Variants in CAMKK1 observed in about 807,000 individuals in gnomAD.
CAMKK1 encodes the protein calcium/calmodulin-dependent protein kinase kinase 1.
CAMKK1 carries 20 observed loss-of-function variants against 63.5 expected under a neutral mutation model. The observed-to-expected ratio is 0.32, with a 90% CI of 0.22 to 0.46. CAMKK1 has a LOEUF of 0.46. CAMKK1 is among the 20% of genes least tolerant of loss of function. The pLI is 1.00. For synonymous variants in CAMKK1, 253 were observed against 269.0 expected (o/e 0.94, Z 0.58); for missense variants, 588 against 658.1 (o/e 0.89, Z 1.17).
At chr17:3,867,991 C>A (rs550373323) in intron 14 of CAMKK1, among the ~76,000 whole-genome samples, 17 of 117,822 alleles carry the variant, frequency 1.4e-4, no homozygotes, top group Non-Finnish European at 2.4e-4. Context: ...ATGCAGGCAC[C>A]GTCTAACTGA....
At position 3,888,913 on chromosome 17, in the gene CAMKK1, C is replaced by CGTGTGT. The variant is rs55841323; in HGVS notation, c.-43-3189_-43-3184dup. On this transcript the variant is annotated intron_variant, in intron 1 of 15. Transcript: ENST00000348335. Reference sequence around the variant, plus strand: ...CGCAGGCTGTGGACCAGGGTGGTGGCGTGTGTGTGTGTGTGTGTGTGTTGT... The same window carrying CGTGTGT: ...CGCAGGCTGTGGACCAGGGTGGTGGCGTGTGTGTGTGTGTGTGTGTGTGTGTGTTGT... Among the ~76,000 whole-genome samples, 823 of 150,480 alleles carry CGTGTGT rather than the reference C, an allele frequency of 5.5e-3. 2 individuals are homozygous for CGTGTGT. Among genetic ancestry groups the CGTGTGT allele is most frequent in the African/African-American group, 0.013 (526 of 41,038 alleles).
Position 3,889,955 on chromosome 17 carries a change from C to T in CAMKK1, c.-44+2984G>A, listed in dbSNP as rs909655224. 9.2e-5 allele frequency among the ~76,000 whole-genome samples: 14 copies of T among 152,328 alleles called. No individual in the cohort carries two copies. The highest frequency in any genetic ancestry group is 4.1e-4 in the South Asian group (2 of 4,832). On this transcript the variant is annotated intron_variant, in intron 1 of 15. Coordinates refer to ENST00000348335, the MANE Select transcript of CAMKK1 (RefSeq NM_032294.3). This position sits in a 1 kb window ranked among gnomAD's most constrained non-coding sequence, Gnocchi z 5.2. The stretch of plus-strand genomic sequence containing the variant: ...GGCCCTGGTCAGGCCTCATTCTGAG[C>T]GCTGGAAGGCCGCTGTGAACCCCAG...
At position 3,883,958 on chromosome 17, in the gene CAMKK1, G is replaced by GCC. The variant is rs1335563473; in HGVS notation, c.409-23_409-22dup. 1.2e-6 allele frequency: 2 copies of GCC among 1,612,574 alleles called. No individual in the cohort carries two copies. The highest frequency in any genetic ancestry group is 2.7e-5 in the African/African-American group (2 of 74,876). ...GCACCCTGCAGATAGGCATCAGTCA[G>GCC]CCCCACCTGGACAGGGCAACCCCTC... is the stretch of plus-strand genomic sequence containing the variant. On this transcript the variant is annotated intron_variant, in intron 3 of 15. Coordinates refer to ENST00000348335, the MANE Select transcript of CAMKK1 (RefSeq NM_032294.3). This position sits in a 1 kb window ranked among gnomAD's most constrained non-coding sequence, Gnocchi z 4.7.
intron 15 of CAMKK1, chr17:3,865,630 T>G: frequency 7.7e-7 from 1 of 1,300,218 alleles, no homozygotes; most frequent in Non-Finnish European, 9.8e-7. Context: ...AGAAGGGTCT[T>G]CCTGTCCCAT....
chr17:3,868,813 C>T (rs1056295799), intron 14 of CAMKK1, among the ~76,000 whole-genome samples: 8 of 151,950 alleles, frequency 5.3e-5, no homozygotes, highest in African/African-American at 1.4e-4. Context: ...CCACTGCGCC[C>T]GGCTAATTTT....
At position 3,879,949 on chromosome 17, in the gene CAMKK1, T is replaced by G; in HGVS notation, c.796+397A>C. The stretch of plus-strand genomic sequence containing the variant: ...TTATCAGACTAGGGCCCCTCACAGG[T>G]AAATCCACCCTGCCACCATGCCCCG... On this transcript the variant is annotated intron_variant, in intron 9 of 15. Transcript: ENST00000348335. This position sits in a 1 kb window ranked among gnomAD's most constrained non-coding sequence, Gnocchi z 4.5. 1 of 220,024 alleles carries G rather than the reference T, an allele frequency of 4.5e-6. No individual in the cohort carries two copies. Among genetic ancestry groups the G allele is most frequent in the East Asian group, 1.2e-4 (1 of 8,474 alleles). The allele number at this position is 220,024 out of a possible 1,614,324, so 13.6% of individuals were successfully genotyped here.
At chr17:3,869,097 T>C (rs1197544745) in intron 14 of CAMKK1, among the ~76,000 whole-genome samples, 2 of 151,164 alleles carry the variant, frequency 1.3e-5, no homozygotes, top group African/African-American at 4.9e-5. Context: ...GCCTCCCGAG[T>C]AGCTGGGACT....
In CAMKK1 at chr17:3,889,692, G is replaced by C. The variant is rs1021625556; in HGVS notation, c.-44+3247C>G. On this transcript the variant is annotated intron_variant, in intron 1 of 15. Coordinates refer to ENST00000348335, the MANE Select transcript of CAMKK1 (RefSeq NM_032294.3). The surrounding 1 kb of genome is among the most constrained non-coding windows in gnomAD (Gnocchi z 5.2). ...AGGTCCAACCCCACCTCTGCCCCCA[G>C]CTCCAAGATGGCCTGGCACATATCC... Among the ~76,000 whole-genome samples, 3 of 152,216 alleles carry C rather than the reference G, an allele frequency of 2.0e-5. No individual in the cohort carries two copies. The East Asian group carries it at 5.8e-4, about 29-fold the overall frequency.
intron 15 of CAMKK1, among the ~76,000 whole-genome samples, chr17:3,863,420 T>G (rs540287826): frequency 1.1e-4 from 17 of 152,296 alleles, no homozygotes; most frequent in Non-Finnish European, 1.9e-4. Flanking sequence ...ACTGCTTGAA[T>G]GTGAGAGGCG....
chr17:3,876,678 T>C (rs2055172370), intron 9 of CAMKK1, among the ~76,000 whole-genome samples: 1 of 151,460 alleles, frequency 6.6e-6, no homozygotes, highest in African/African-American at 2.4e-5. Flanking sequence ...ACCCTCTCCA[T>C]GACAAACAAG....
intron 9 of CAMKK1, among the ~76,000 whole-genome samples, chr17:3,878,318 C>G (rs2143852669): frequency 6.6e-6 from 1 of 152,344 alleles, no homozygotes; most frequent in South Asian, 2.1e-4. Flanking sequence ...GCCCCTGGCG[C>G]TAACCGTTCT....
chr17:3,871,664 T>A (rs2054890515), intron 12 of CAMKK1, among the ~76,000 whole-genome samples: 1 of 133,166 alleles, frequency 7.5e-6, no homozygotes, highest in Non-Finnish European at 1.6e-5. Flanking sequence ...CCTTATTCAG[T>A]TTCTTTCTTC....
In CAMKK1 at chr17:3,883,972, G is replaced by C. The variant is rs1290386750; in HGVS notation, c.409-35C>G. 6.2e-7 allele frequency: 1 copy of C among 1,609,034 alleles called. No homozygotes were observed. The highest frequency in any genetic ancestry group is 1.3e-5 in the African/African-American group (1 of 74,824). ...GGCATCAGTCAGCCCCACCTGGACA[G>C]GGCAACCCCTCCCAGGACCAGCTCA... On this transcript the variant is annotated intron_variant, in intron 3 of 15. Coordinates refer to ENST00000348335, the MANE Select transcript of CAMKK1 (RefSeq NM_032294.3). The surrounding 1 kb of genome is among the most constrained non-coding windows in gnomAD (Gnocchi z 4.7).
intron 9 of CAMKK1, chr17:3,878,905 C>G (rs112951542): frequency 1.3e-5 from 2 of 152,478 alleles, no homozygotes; most frequent in East Asian, 3.9e-4. Context: ...CCTCCACCTC[C>G]CAGGTTCAAG....
Position 3,862,344 on chromosome 17 carries a change from A to T in CAMKK1, c.1446-61T>A. Reference sequence around the variant, plus strand: ...GGTCAGAATATGCACTCAGGGAGACACTCTCCCTCACACACACAGGAATCT... The same window carrying T: ...GGTCAGAATATGCACTCAGGGAGACTCTCTCCCTCACACACACAGGAATCT... On this transcript the variant is annotated intron_variant, in intron 15 of 15. Transcript: ENST00000348335. The surrounding 1 kb of genome is among the most constrained non-coding windows in gnomAD (Gnocchi z 4.1). 1.6e-6 allele frequency: 2 copies of T among 1,233,202 alleles called. No individual in the cohort carries two copies. Among genetic ancestry groups the T allele is most frequent in the Non-Finnish European group, 2.3e-6 (2 of 857,996 alleles). The allele number at this position is 1,233,202 out of a possible 1,614,324, so 76.4% of individuals were successfully genotyped here. A position where few individuals can be genotyped will look rare whatever the true frequency, so the allele number is the denominator to read the frequency against.
Position 3,885,737 on chromosome 17 carries a change from A to G in CAMKK1, c.-43-7T>C. On this transcript the variant is annotated splice_region_variant and splice_polypyrimidine_tract_variant and intron_variant, in intron 1 of 15. Coordinates refer to ENST00000348335, the MANE Select transcript of CAMKK1 (RefSeq NM_032294.3). ...GCGTAGCCTTGTTGGGAACCTGAGA[A>G]AAGAAGGCAGAGAAGGCTTCACTCC... 6.3e-7 allele frequency: 1 copy of G among 1,599,630 alleles called. No individual in the cohort carries two copies. The highest frequency in any genetic ancestry group is 8.5e-7 in the Non-Finnish European group (1 of 1,176,470).
Position 3,885,681 on chromosome 17 carries a change from CCT to C in CAMKK1, c.5_6del (p.Glu2GlyfsTer37). The C allele has an allele frequency of 6.2e-7, 1 of 1,612,854 alleles. No homozygotes were observed. Among genetic ancestry groups the C allele is most frequent in the Non-Finnish European group, 8.5e-7 (1 of 1,180,020 alleles). On this transcript the variant is annotated frameshift_variant, in exon 2 of 16. Transcript: ENST00000348335. LOFTEE classifies it high-confidence loss of function. ...TCCTGGCAGCAGACAGCTGGACCCC[CCT>C]CCATTGCTTCAGTCAAGGGGGTTCT... is the stretch of plus-strand genomic sequence containing the variant. M[E>X]GGPAVCCQDP...
In CAMKK1 at chr17:3,882,996, A is replaced by G. The variant is rs371063030; in HGVS notation, c.648+46T>C. The G allele has an allele frequency of 1.0e-5, 16 of 1,606,044 alleles. No homozygotes were observed. The highest frequency in any genetic ancestry group is 1.4e-5 in the Non-Finnish European group (16 of 1,175,042). ...CTCCCCAGCACCAGAAGCGGCTCCC[A>G]TGAGACTCAGGTGCTGGTTCCCACC... On this transcript the variant is annotated intron_variant, in intron 6 of 15. Coordinates refer to ENST00000348335, the MANE Select transcript of CAMKK1 (RefSeq NM_032294.3). The surrounding 1 kb of genome is among the most constrained non-coding windows in gnomAD (Gnocchi z 4.3).
At position 3,890,178 on chromosome 17, in the gene CAMKK1, C is replaced by T. The variant is rs753513; in HGVS notation, c.-44+2761G>A. Among the ~76,000 whole-genome samples the T allele has an allele frequency of 0.23, 35,363 of 152,168 alleles. 4,600 individuals are homozygous for T. The highest frequency in any genetic ancestry group is 0.3 in the Non-Finnish European group (20,546 of 67,960). On this transcript the variant is annotated intron_variant, in intron 1 of 15. Coordinates refer to ENST00000348335, the MANE Select transcript of CAMKK1 (RefSeq NM_032294.3). The surrounding 1 kb of genome is among the most constrained non-coding windows in gnomAD (Gnocchi z 6.5). ...GCGAGTATCTGGATGGCCCTGGCAA[C>T]GGGTGCCCTCCGCAGCTCCCGCCCC...
Sources: allele counts gnomAD v4.1 joint callset (sites outside exome capture counted in the v4.1 genomes callset), GRCh38; gene constraint gnomAD v4.1.1; non-coding constraint Gnocchi (gnomAD v3.1); transcripts MANE v1.5; gene names NCBI Gene and HGNC (gene_info 2026-07-23, HGNC 2026-07-21).